CFAP20DC: variants seen among roughly 807,000 people sequenced by gnomAD.
The protein encoded by CFAP20DC is protein CFAP20DC.
CFAP20DC carries 84 observed loss-of-function variants against 101.7 expected under a neutral mutation model. That is an observed-to-expected ratio of 0.83 (90% confidence interval 0.69 to 0.99). CFAP20DC has a LOEUF of 0.99. CFAP20DC is among the 50% of genes least tolerant of loss of function. The pLI is 0.00. For synonymous variants in CFAP20DC, 359 were observed against 351.2 expected (o/e 1.02, Z -0.25); for missense variants, 1,007 against 970.3 (o/e 1.04, Z -0.50).
chr3:58,946,019 A>G (rs990296796), intron 4 of CFAP20DC, among the ~76,000 whole-genome samples: 8 of 150,924 alleles, frequency 5.3e-5, no homozygotes, highest in Non-Finnish European at 8.9e-5. Flanking sequence ...TAGTGGTTTC[A>G]TATCTATTTT....
chr3:58,809,502 A>G (rs2074417936), intron 14 of CFAP20DC, among the ~76,000 whole-genome samples: 2 of 152,244 alleles, frequency 1.3e-5, no homozygotes, highest in South Asian at 4.2e-4. Context: ...CTTTGAAACC[A>G]ACGAGAACAA....
chr3:59,049,472 T>C (rs1700137834), intron 1 of CFAP20DC, 139 bp downstream of exon 1: 2 of 849,328 alleles, frequency 2.4e-6, no homozygotes, highest in South Asian at 2.9e-5. Context: ...TCAACAGCAT[T>C]CACCCATTAA....
intron 12 of CFAP20DC, among the ~76,000 whole-genome samples, chr3:58,853,000 G>A (rs1236792467): frequency 6.6e-6 from 1 of 152,166 alleles, no homozygotes; most frequent in Non-Finnish European, 1.5e-5. Flanking sequence ...AGAACTCAAG[G>A]AAATAGAAAC....
rs1462722522 is a variant in CFAP20DC, at chr3:59,049,657, G to C, written c.-26C>G. ...TCCCGCAGGGGGCCCAGGGCTTGGG[G>C]GGCACAGAGTTCAGGGTTTCCAGCG... On this transcript the variant is annotated 5_prime_UTR_variant, in exon 1 of 17. Transcript: ENST00000482387. The C allele has an allele frequency of 4.6e-6, 7 of 1,535,728 alleles. No individual in the cohort carries two copies. Among genetic ancestry groups the C allele is most frequent in the Non-Finnish European group, 6.1e-6 (7 of 1,146,678 alleles).
chr3:58,900,660 T>C (rs1451339404), intron 6 of CFAP20DC, among the ~76,000 whole-genome samples: 9 of 152,328 alleles, frequency 5.9e-5, no homozygotes, highest in Non-Finnish European at 5.9e-5. Context: ...TGAGAATGGC[T>C]AAATGGCACA....
At chr3:58,959,114 G>A (rs145428984) in intron 4 of CFAP20DC, among the ~76,000 whole-genome samples, 2,722 of 151,766 alleles carry the variant, frequency 0.018, 67 homozygotes, top group African/African-American at 0.061. Flanking sequence ...TCTTTTTTGA[G>A]ATGGAGTTTC....
rs912915852 is a variant in CFAP20DC at position 58,964,351 on chromosome 3, A to T, written c.279-26589T>A. Among the ~76,000 whole-genome samples, 1 of 152,310 alleles carries T rather than the reference A, an allele frequency of 6.6e-6. No homozygotes were observed. Among genetic ancestry groups the T allele is most frequent in the South Asian group, 2.1e-4 (1 of 4,820 alleles). On this transcript the variant is annotated intron_variant, in intron 4 of 16. Coordinates refer to ENST00000482387, the MANE Select transcript of CFAP20DC (RefSeq NM_001394063.1). The surrounding 1 kb of genome is among the most constrained non-coding windows in gnomAD (Gnocchi z 4.1). The stretch of plus-strand genomic sequence containing the variant: ...CCTAACTGTAATACATTTGAATGTT[A>T]AGTCTCCACCCCAAGGTGGGCATGT...
chr3:58,932,626 C>G (rs1177415772), intron 5 of CFAP20DC, among the ~76,000 whole-genome samples: 1 of 152,138 alleles, frequency 6.6e-6, no homozygotes, highest in Non-Finnish European at 1.5e-5. Flanking sequence ...ATTCAACATT[C>G]TTAAAGAAAA....
At position 58,849,197 on chromosome 3, in the gene CFAP20DC, T is replaced by G; in HGVS notation, c.1806A>C (p.Thr602=). 1 of 1,536,116 alleles carries G rather than the reference T, an allele frequency of 6.5e-7. No individual in the cohort carries two copies. Residue 602 remains threonine, a synonymous_variant, in exon 13 of 17, where the codon ACA becomes ACC. Transcript: ENST00000482387. ...RNNFEMSLLP[T]TCLSPTGRRC... The stretch of plus-strand genomic sequence containing the variant: ...TTCTTCCAGTTGGAGAAAGGCATGT[T>G]GTAGGCAACAAACTCATTTCAAAGT...
chr3:59,036,313 A>C (rs1480735790), intron 4 of CFAP20DC, among the ~76,000 whole-genome samples: 1 of 152,190 alleles, frequency 6.6e-6, no homozygotes, highest in African/African-American at 2.4e-5. Context: ...CAGGCAAGAG[A>C]AAGAAATAAA....
intron 15 of CFAP20DC, among the ~76,000 whole-genome samples, chr3:58,758,898 T>C (rs1191325560): frequency 6.6e-6 from 1 of 152,174 alleles, no homozygotes; most frequent in Non-Finnish European, 1.5e-5. Context: ...TAGTATTCCA[T>C]GGTGTATATG....
chr3:58,940,629 T>G (rs2088413910), intron 4 of CFAP20DC, among the ~76,000 whole-genome samples: 1 of 152,224 alleles, frequency 6.6e-6, no homozygotes, highest in African/African-American at 2.4e-5. Flanking sequence ...GTTGATTCAT[T>G]TTTTTCATTG....
chr3:58,999,884 G>A (rs2093260582), intron 4 of CFAP20DC, among the ~76,000 whole-genome samples: 1 of 148,918 alleles, frequency 6.7e-6, no homozygotes, highest in South Asian at 2.1e-4. Context: ...GACAGAGCAC[G>A]GGAAGGCCAC....
In CFAP20DC at chr3:58,964,366, G is replaced by C. The variant is rs1256365450; in HGVS notation, c.279-26604C>G. ...TTTGAATGTTAAGTCTCCACCCCAA[G>C]GTGGGCATGTAACGTGTATGTTTCC... On this transcript the variant is annotated intron_variant, in intron 4 of 16. Transcript: ENST00000482387. This position sits in a 1 kb window ranked among gnomAD's most constrained non-coding sequence, Gnocchi z 4.1. 1.3e-5 allele frequency among the ~76,000 whole-genome samples: 2 copies of C among 152,146 alleles called. No individual in the cohort carries two copies. Among genetic ancestry groups the C allele is most frequent in the Non-Finnish European group, 2.9e-5 (2 of 68,034 alleles).
At chr3:59,000,331 C>G (rs1454949309) in intron 4 of CFAP20DC, among the ~76,000 whole-genome samples, 1 of 152,128 alleles carries the variant, frequency 6.6e-6, no homozygotes, top group Non-Finnish European at 1.5e-5. Flanking sequence ...AAGCTTAAGG[C>G]AGAGGTGTGG....
intron 4 of CFAP20DC, among the ~76,000 whole-genome samples, chr3:58,959,704 G>C (rs957934178): frequency 2.0e-5 from 3 of 152,028 alleles, no homozygotes; most frequent in Non-Finnish European, 4.4e-5. Context: ...TTGTAATTTT[G>C]CCACCTTTGT....
chr3:58,931,013 T>C (rs2086584141), intron 5 of CFAP20DC, among the ~76,000 whole-genome samples: 1 of 152,046 alleles, frequency 6.6e-6, no homozygotes, highest in Non-Finnish European at 1.5e-5. Context: ...TTCCCTTTCC[T>C]AGTAAAAGAA....
Position 58,742,207 on chromosome 3 carries a change from C to A in CFAP20DC, c.*253G>T. On this transcript the variant is annotated 3_prime_UTR_variant, in exon 17 of 17. Coordinates refer to ENST00000482387, the MANE Select transcript of CFAP20DC (RefSeq NM_001394063.1). ...AACAAAATTATATGTAGAATGAGAA[C>A]AAACAAGAACCAATTCAAACTCCTA... 1 of 1,005,322 alleles carries A rather than the reference C, an allele frequency of 9.9e-7. No homozygotes were observed. Among genetic ancestry groups the A allele is most frequent in the Non-Finnish European group, 1.2e-6 (1 of 827,350 alleles). 62.3% of individuals were successfully genotyped at this position (1,005,322 alleles called of 1,614,324 possible).
intron 7 of CFAP20DC, among the ~76,000 whole-genome samples, chr3:58,873,302 A>C (rs2108554064): frequency 6.7e-6 from 1 of 148,972 alleles, no homozygotes; most frequent in Admixed American, 6.6e-5. Flanking sequence ...GCTGTGCTGG[A>C]TGCTGTAAGG....
Sources: allele counts gnomAD v4.1 joint callset (sites outside exome capture counted in the v4.1 genomes callset), GRCh38; gene constraint gnomAD v4.1.1; non-coding constraint Gnocchi (gnomAD v3.1); transcripts MANE v1.5; gene names NCBI Gene and HGNC (gene_info 2026-07-23, HGNC 2026-07-21).